L3MBTL4: variants seen among roughly 807,000 people sequenced by gnomAD.
L3MBTL4 encodes the protein L3MBTL histone methyl-lysine binding protein 4, also known as lethal(3)malignant brain tumor-like protein 4.
Under a neutral mutation model 84.5 loss-of-function variants are expected in L3MBTL4, and 70 were observed. The observed-to-expected ratio is 0.83, with a 90% confidence interval of 0.68 to 1.01. L3MBTL4 has a LOEUF of 1.01. L3MBTL4 is among the 50% of genes least tolerant of loss of function. The probability of loss-of-function intolerance (pLI) is 0.00; values close to 1 mark genes in which losing one functional copy is unlikely to be tolerated. For missense variants in L3MBTL4, 715 were observed against 754.8 expected, an observed-to-expected ratio of 0.95 and a Z score of 0.62; for synonymous variants, 274 against 259.8, an observed-to-expected ratio of 1.05 and a Z score of -0.52.
rs747291582 is a variant in L3MBTL4 at position 6,027,198 on chromosome 18, G to A, written c.1444+53683C>T. On this transcript the variant is annotated intron_variant, in intron 16 of 18. Transcript: ENST00000317931. Reference sequence around the variant, plus strand: ...CTCTCCCTCCCTTGACCCCACCCCCGCAACAGGTGCTACTGTATGATGTTC... The same window carrying A: ...CTCTCCCTCCCTTGACCCCACCCCCACAACAGGTGCTACTGTATGATGTTC... 9.9e-5 allele frequency among the ~76,000 whole-genome samples: 15 copies of A among 151,970 alleles called. 1 individual carries two copies. The Middle Eastern group carries it at 0.01, about 103-fold the overall frequency.
chr18:6,402,182 A>G (rs984557183), intron 1 of L3MBTL4, among the ~76,000 whole-genome samples: 4 of 152,224 alleles, frequency 2.6e-5, no homozygotes, highest in African/African-American at 9.6e-5. Flanking sequence ...TCTTCAAAAT[A>G]AGTACCTCGG....
At chr18:6,259,658 C>T (rs1360691749) in intron 5 of L3MBTL4, 2 of 151,668 alleles carry the variant, frequency 1.3e-5, no homozygotes, top group Non-Finnish European at 2.9e-5. Context: ...CTTATTGAAT[C>T]TAGTTCCTTA....
At chr18:6,266,596 T>C (rs965395043) in intron 4 of L3MBTL4, among the ~76,000 whole-genome samples, 16 of 152,120 alleles carry the variant, frequency 1.1e-4, no homozygotes, top group African/African-American at 3.6e-4. Flanking sequence ...AATCCATCAA[T>C]TGGGCAGGAA....
intron 16 of L3MBTL4, among the ~76,000 whole-genome samples, chr18:6,029,077 C>T (rs369858840): frequency 3.9e-4 from 59 of 152,212 alleles, no homozygotes; most frequent in Admixed American, 2.2e-3. Context: ...TTTAAATCAC[C>T]GAAACCATGA....
At chr18:6,302,070 G>C (rs1476086253) in intron 3 of L3MBTL4, 113 bp from the exon 4 acceptor site, 1 of 884,186 alleles carries the variant, frequency 1.1e-6, no homozygotes, top group Admixed American at 1.7e-5. Flanking sequence ...CGTCACTGAG[G>C]CGGACAACGC....
intron 16 of L3MBTL4, among the ~76,000 whole-genome samples, chr18:5,990,770 G>GGTGTGTGTGGGT (rs2053657302): frequency 7.0e-6 from 1 of 142,290 alleles, no homozygotes. Flanking sequence ...GGTTCATGTG[G>GGTGTGTGTGGGT]GTGTGTGTGT....
At chr18:6,213,319 C>T (rs2046192444) in intron 11 of L3MBTL4, 60 bp from the exon 12 acceptor site, 2 of 868,972 alleles carry the variant, frequency 2.3e-6, no homozygotes, top group Non-Finnish European at 3.6e-6. Context: ...AGATATCCTA[C>T]TAATTTTTTC....
At chr18:6,093,620 A>G in intron 14 of L3MBTL4, 92 bp from the exon 15 acceptor site, 1 of 1,018,132 alleles carries the variant, frequency 9.8e-7, no homozygotes, top group Non-Finnish European at 1.4e-6. Flanking sequence ...CCTAATATTT[A>G]AAAATTGCAT....
At chr18:6,172,928 C>T (rs980894755) in intron 12 of L3MBTL4, among the ~76,000 whole-genome samples, 1 of 152,028 alleles carries the variant, frequency 6.6e-6, no homozygotes, top group Non-Finnish European at 1.5e-5. Context: ...AAATAAACTC[C>T]CAATATTTTT....
chr18:6,078,021 T>C (rs1449046500), intron 16 of L3MBTL4, among the ~76,000 whole-genome samples: 2 of 146,942 alleles, frequency 1.4e-5, no homozygotes, highest in African/African-American at 5.0e-5. Flanking sequence ...GAGCAAGACT[T>C]CGTCTCAATA....
At chr18:6,386,451 G>C (rs980708066) in intron 1 of L3MBTL4, among the ~76,000 whole-genome samples, 2 of 152,202 alleles carry the variant, frequency 1.3e-5, no homozygotes, top group Non-Finnish European at 2.9e-5. Context: ...TACATGTGAC[G>C]CACTGTGCTG....
chr18:6,320,197 T>A (rs978267150), intron 1 of L3MBTL4, among the ~76,000 whole-genome samples: 1 of 151,980 alleles, frequency 6.6e-6, no homozygotes, highest in African/African-American at 2.4e-5. Flanking sequence ...TCATACTAAA[T>A]GGGGAAAAGT....
At chr18:6,272,065 G>A (rs2048895194) in intron 4 of L3MBTL4, among the ~76,000 whole-genome samples, 1 of 152,230 alleles carries the variant, frequency 6.6e-6, no homozygotes, top group African/African-American at 2.4e-5. Flanking sequence ...TTCGTTGACT[G>A]TTGCTGTTAA....
chr18:6,345,115 A>G (rs779119298), intron 1 of L3MBTL4, among the ~76,000 whole-genome samples: 1 of 151,280 alleles, frequency 6.6e-6, no homozygotes, highest in Non-Finnish European at 1.5e-5. Flanking sequence ...CATGCATGTA[A>G]TCCTAGCACT....
intron 12 of L3MBTL4, among the ~76,000 whole-genome samples, chr18:6,175,816 G>C (rs774673327): frequency 3.9e-5 from 6 of 152,076 alleles, no homozygotes; most frequent in Non-Finnish European, 7.4e-5. Flanking sequence ...ACATTGTAAT[G>C]TAGTGCAATT....
chr18:6,103,705 A>G (rs978233917), intron 14 of L3MBTL4, among the ~76,000 whole-genome samples: 2 of 152,380 alleles, frequency 1.3e-5, no homozygotes, highest in African/African-American at 4.8e-5. Flanking sequence ...TTACATAGGT[A>G]TATATTTATG....
intron 17 of L3MBTL4, among the ~76,000 whole-genome samples, chr18:5,962,801 G>A (rs2095270028): frequency 6.6e-6 from 1 of 152,168 alleles, no homozygotes; most frequent in African/African-American, 2.4e-5. Flanking sequence ...ATGAGCGCAG[G>A]AAAATGCTGT....
chr18:6,286,077 G>T (rs1446201880), intron 4 of L3MBTL4, among the ~76,000 whole-genome samples: 1 of 151,566 alleles, frequency 6.6e-6, no homozygotes, highest in African/African-American at 2.4e-5. Flanking sequence ...TGATCCGCCC[G>T]CCTCGGCCTC....
chr18:6,226,872 T>G (rs1240707608), intron 10 of L3MBTL4, among the ~76,000 whole-genome samples: 1 of 151,680 alleles, frequency 6.6e-6, no homozygotes, highest in Non-Finnish European at 1.5e-5. Flanking sequence ...AACACCAAGA[T>G]GAGGGATTTA....
Sources: allele counts gnomAD v4.1 joint callset (sites outside exome capture counted in the v4.1 genomes callset), GRCh38; gene constraint gnomAD v4.1.1; transcripts MANE v1.5; gene names NCBI Gene and HGNC (gene_info 2026-07-23, HGNC 2026-07-21).